The following NEGR1 variants were observed in gnomAD, a reference collection of about 807,000 sequenced individuals.
NEGR1 encodes IgLON family member 4.
In NEGR1, 10 loss-of-function variants were observed where a neutral mutation model predicts 40.9. That is an observed-to-expected ratio of 0.24 (90% CI 0.15 to 0.42). NEGR1 has a LOEUF of 0.42. NEGR1 is among the 10% of genes least tolerant of loss of function. The probability of loss-of-function intolerance (pLI) is 1.00; values close to 1 mark genes in which losing one functional copy is unlikely to be tolerated. For synonymous variants in NEGR1, 185 were observed against 166.8 expected, an observed-to-expected ratio of 1.11 and a Z score of -0.84; for missense variants, 352 against 438.9, an observed-to-expected ratio of 0.80 and a Z score of 1.77.
chr1:71,898,964 C>CATAT lies in NEGR1; in HGVS notation c.409+36111_409+36114dup, dbSNP rs56183950. On this transcript the variant is annotated intron_variant, in intron 2 of 6. Coordinates refer to ENST00000357731, the MANE Select transcript of NEGR1 (RefSeq NM_173808.3). ...ATATATTGCAAATATATATATATAG[C>CATAT]ATATATATATATATAGCATATATAT... 5.8e-4 allele frequency among the ~76,000 whole-genome samples: 56 copies of CATAT among 95,928 alleles called. No homozygotes were observed. In the East Asian group the frequency reaches 7.0e-3, roughly 12 times the overall value. 62.9% of individuals were successfully genotyped at this position (95,928 alleles called of 152,430 possible).
chr1:71,610,705 C>T (rs940679730), intron 5 of NEGR1, among the ~76,000 whole-genome samples: 3 of 152,154 alleles, frequency 2.0e-5, no homozygotes, highest in Non-Finnish European at 4.4e-5. Context: ...GCTGTACTCA[C>T]GTCCTTTAAG....
chr1:72,025,951 A>G (rs1403108178), intron 1 of NEGR1, among the ~76,000 whole-genome samples: 1 of 150,996 alleles, frequency 6.6e-6, no homozygotes, highest in East Asian at 2.0e-4. Context: ...CTCTACTAAA[A>G]ATACAAAAAA....
intron 2 of NEGR1, among the ~76,000 whole-genome samples, chr1:71,868,586 G>C (rs1242341203): frequency 1.3e-5 from 2 of 151,920 alleles, no homozygotes; most frequent in African/African-American, 2.4e-5. Flanking sequence ...ATACAAAAAA[G>C]GGCCCCTGAA....
chr1:71,530,895 GTA>G (rs1025292928), intron 6 of NEGR1, among the ~76,000 whole-genome samples: 4 of 151,206 alleles, frequency 2.6e-5, no homozygotes, highest in Non-Finnish European at 1.5e-5. Flanking sequence ...AGGTGTGTGT[GTA>G]TGTGTGTGTG....
intron 1 of NEGR1, among the ~76,000 whole-genome samples, chr1:72,228,099 C>T (rs770670548): frequency 2.6e-5 from 4 of 152,204 alleles, no homozygotes; most frequent in Non-Finnish European, 5.9e-5. Context: ...GAAAGCCTCC[C>T]GCTGAGCCTC....
intron 6 of NEGR1, among the ~76,000 whole-genome samples, chr1:71,464,245 G>A (rs77127231): frequency 0.011 from 1,740 of 152,214 alleles, 30 homozygotes; most frequent in African/African-American, 0.04. Context: ...ATGTTGCTAG[G>A]CATGAGTAAA....
chr1:71,945,452 A>G (rs890959519), intron 1 of NEGR1, among the ~76,000 whole-genome samples: 2 of 152,154 alleles, frequency 1.3e-5, no homozygotes, highest in Admixed American at 1.3e-4. Flanking sequence ...GAAAAAAATA[A>G]AGAATTCAGA....
At chr1:71,919,496 CTT>C (rs79222767) in intron 2 of NEGR1, among the ~76,000 whole-genome samples, 85 of 139,432 alleles carry the variant, frequency 6.1e-4, no homozygotes, top group Non-Finnish European at 7.0e-4. Context: ...CTATCTTAAC[CTT>C]TTTTTTTTTT....
At chr1:71,953,260 T>C (rs1557452532) in intron 1 of NEGR1, among the ~76,000 whole-genome samples, 1 of 151,914 alleles carries the variant, frequency 6.6e-6, no homozygotes. Context: ...CCAGATATCA[T>C]TGAGAATATT....
chr1:71,624,300 C>T (rs1303265123), intron 4 of NEGR1, among the ~76,000 whole-genome samples: 1 of 151,942 alleles, frequency 6.6e-6, no homozygotes, highest in Non-Finnish European at 1.5e-5. Flanking sequence ...TGCTAGCTAA[C>T]ATTACTTCTT....
chr1:71,909,700 A>G (rs1428278205), intron 2 of NEGR1, among the ~76,000 whole-genome samples: 1 of 152,180 alleles, frequency 6.6e-6, no homozygotes, highest in African/African-American at 2.4e-5. Context: ...CTTTACACGA[A>G]TCTGTCTAAG....
chr1:71,971,579 CT>C (rs1646257098), intron 1 of NEGR1, among the ~76,000 whole-genome samples: 1 of 152,096 alleles, frequency 6.6e-6, no homozygotes, highest in Non-Finnish European at 1.5e-5. Context: ...AGTTAAAGTA[CT>C]AGGTAGATAA....
intron 3 of NEGR1, among the ~76,000 whole-genome samples, chr1:71,746,648 T>TC (rs1655392839): frequency 1.3e-5 from 2 of 152,042 alleles, no homozygotes; most frequent in Admixed American, 1.3e-4. Flanking sequence ...TTCTTTTTTT[T>TC]CTGCCACTTC....
chr1:72,199,836 A>T (rs947637348), intron 1 of NEGR1, among the ~76,000 whole-genome samples: 7 of 151,972 alleles, frequency 4.6e-5, no homozygotes, highest in African/African-American at 1.4e-4. Context: ...AACAGCACAC[A>T]AAAAACAACC....
At chr1:72,032,363 G>C (rs969495734) in intron 1 of NEGR1, among the ~76,000 whole-genome samples, 1 of 152,118 alleles carries the variant, frequency 6.6e-6, no homozygotes, top group African/African-American at 2.4e-5. Context: ...AGAGTAGGAA[G>C]GTAATAGGAA....
chr1:72,079,313 A>C (rs1230822328), intron 1 of NEGR1, among the ~76,000 whole-genome samples: 2 of 151,964 alleles, frequency 1.3e-5, no homozygotes, highest in African/African-American at 2.4e-5. Flanking sequence ...TATCCATCAC[A>C]TTAATTCTTT....
At chr1:71,888,459 C>T (rs533137760) in intron 2 of NEGR1, among the ~76,000 whole-genome samples, 3 of 151,948 alleles carry the variant, frequency 2.0e-5, no homozygotes, top group Admixed American at 1.3e-4. Context: ...GGGTGACGGA[C>T]GCACCTGGAA....
At chr1:72,144,389 C>T (rs1237747047) in intron 1 of NEGR1, among the ~76,000 whole-genome samples, 1 of 150,378 alleles carries the variant, frequency 6.6e-6, no homozygotes, top group Non-Finnish European at 1.5e-5. Flanking sequence ...GTGTATTCTA[C>T]TAATGTAAAG....
intron 2 of NEGR1, among the ~76,000 whole-genome samples, chr1:71,831,011 C>T (rs757370964): frequency 4.0e-5 from 6 of 151,814 alleles, no homozygotes; most frequent in East Asian, 1.9e-4. Flanking sequence ...GATTAGAAAA[C>T]GTTTCTAAAG....
Sources: gnomAD v4.1 joint callset for allele counts (sites outside exome capture counted in the v4.1 genomes callset) on GRCh38, gnomAD v4.1.1 for gene constraint, MANE v1.5 for transcripts, NCBI Gene and HGNC (gene_info 2026-07-23, HGNC 2026-07-21) for gene names.